Variants in SLC25A25 observed in about 807,000 individuals in gnomAD.
SLC25A25 encodes the protein mitochondrial adenyl nucleotide antiporter SLC25A25.
SLC25A25 carries 32 observed loss-of-function variants against 57.7 expected under a neutral mutation model. The ratio of observed to expected loss-of-function variants is 0.55; its 90% CI spans 0.42 to 0.74. SLC25A25 has a LOEUF of 0.74. Ranked by LOEUF, SLC25A25 falls within the 30% of genes least tolerant of loss-of-function variation. SLC25A25 has a pLI of 0.00. For missense variants in SLC25A25, 556 were observed against 701.3 expected (o/e 0.79, Z 2.34); for synonymous variants, 306 against 291.2 (o/e 1.05, Z -0.52).
intron 1 of SLC25A25, among the ~76,000 whole-genome samples, chr9:128,090,278 T>G (rs1041327911): frequency 2.0e-5 from 3 of 152,074 alleles, no homozygotes; most frequent in Non-Finnish European, 4.4e-5. Context: ...AATGGTGCAA[T>G]CTTGGCTCAC....
At chr9:128,073,776 C>G (rs2130783017) in intron 1 of SLC25A25, among the ~76,000 whole-genome samples, 1 of 152,012 alleles carries the variant, frequency 6.6e-6, no homozygotes. Flanking sequence ...CCTCTGTCAC[C>G]CAGGCTGGAG....
chr9:128,097,515 G>A (rs905120388), intron 1 of SLC25A25, among the ~76,000 whole-genome samples: 2 of 152,164 alleles, frequency 1.3e-5, no homozygotes, highest in African/African-American at 4.8e-5. Context: ...TACAACCTCC[G>A]CCTCCTGGGT....
At chr9:128,083,499 TTTTTTTC>T (rs1311195269) in intron 1 of SLC25A25, among the ~76,000 whole-genome samples, 1 of 94,588 alleles carries the variant, frequency 1.1e-5, no homozygotes. Context: ...ATATTTCTTT[TTTTTTTC>T]TTTTTTCTTT....
At chr9:128,084,333 T>C (rs1564181915) in intron 1 of SLC25A25, among the ~76,000 whole-genome samples, 1 of 151,774 alleles carries the variant, frequency 6.6e-6, no homozygotes, top group Non-Finnish European at 1.5e-5. Flanking sequence ...CGATCTCGGC[T>C]TACTGCAACC....
At chr9:128,105,263 C>T (rs148564597) in intron 6 of SLC25A25, among the ~76,000 whole-genome samples, 1,908 of 149,546 alleles carry the variant, frequency 0.013, 49 homozygotes, top group African/African-American at 0.044. Flanking sequence ...CTCCACCTCC[C>T]GGATTCAAGC....
In SLC25A25 at chr9:128,108,609, A is replaced by G. The variant is rs2130833528; in HGVS notation, c.*1165A>G. On this transcript the variant is annotated 3_prime_UTR_variant, in exon 11 of 11. Transcript: ENST00000373069. ...TCATTTTCAAGTTCATTTTTTATTC[A>G]TATTTATGTTCATGGTTGATTGTAC... The G allele has an allele frequency of 5.6e-6, 1 of 178,250 alleles. No individual in the cohort carries two copies. 11.0% of individuals were successfully genotyped at this position (178,250 alleles called of 1,614,324 possible).
Position 128,103,237 on chromosome 9 carries a change from G to A in SLC25A25, c.625-444G>A, listed in dbSNP as rs1346789483. On this transcript the variant is annotated intron_variant, in intron 5 of 10. Transcript: ENST00000373069. The surrounding 1 kb of genome is among the most constrained non-coding windows in gnomAD (Gnocchi z 6.7). Reference sequence around the variant, plus strand: ...CACCCGGAGAAAGGTTACGCAGGCAGCGAGCCCTCGTGTTTGCTGAGGCGT... The same window carrying A: ...CACCCGGAGAAAGGTTACGCAGGCAACGAGCCCTCGTGTTTGCTGAGGCGT... 6.6e-6 allele frequency among the ~76,000 whole-genome samples: 1 copy of A among 152,220 alleles called. No homozygotes were observed. Among genetic ancestry groups the A allele is most frequent in the Non-Finnish European group, 1.5e-5 (1 of 68,030 alleles).
chr9:128,104,832 ATT>A (rs1292574258), intron 6 of SLC25A25, among the ~76,000 whole-genome samples: 138 of 964 alleles, frequency 0.14, 1 homozygote, highest in Admixed American at 0.25. Flanking sequence ...ATTTTTAAAA[ATT>A]ATTATTATTA....
chr9:128,077,921 G>T (rs1363046302), intron 1 of SLC25A25, among the ~76,000 whole-genome samples: 2 of 151,914 alleles, frequency 1.3e-5, no homozygotes, highest in Admixed American at 1.3e-4. Context: ...AGCTACTCGG[G>T]AGGCTGAGGC....
intron 1 of SLC25A25, among the ~76,000 whole-genome samples, chr9:128,069,564 T>C (rs560108538): frequency 2.1e-4 from 32 of 152,168 alleles, no homozygotes; most frequent in Non-Finnish European, 4.1e-4. Context: ...GAAAAGAATC[T>C]GGTAAACCGC....
At chr9:128,091,961 G>A in intron 1 of SLC25A25, 1 of 1,613,932 alleles carries the variant, frequency 6.2e-7, no homozygotes, top group Non-Finnish European at 8.5e-7. Flanking sequence ...TGAAGTCAGA[G>A]GCACCCCAGC....
intron 1 of SLC25A25, among the ~76,000 whole-genome samples, chr9:128,098,090 A>G (rs1833619462): frequency 6.6e-6 from 1 of 152,004 alleles, no homozygotes; most frequent in Non-Finnish European, 1.5e-5. Flanking sequence ...CTCTCCAACT[A>G]CTGATTTTTT....
At chr9:128,071,567 AT>A (rs369801313) in intron 1 of SLC25A25, among the ~76,000 whole-genome samples, 21 of 137,618 alleles carry the variant, frequency 1.5e-4, no homozygotes, top group East Asian at 1.3e-3. Context: ...CGCCCTGCTA[AT>A]TTTTTTTTTT....
At chr9:128,082,343 T>C (rs1833173430) in intron 1 of SLC25A25, among the ~76,000 whole-genome samples, 1 of 152,224 alleles carries the variant, frequency 6.6e-6, no homozygotes, top group African/African-American at 2.4e-5. Context: ...GAGTTGTGGC[T>C]CCTCTTCATT....
At position 128,101,092 on chromosome 9, in the gene SLC25A25, C is replaced by T. The variant is rs760831427; in HGVS notation, c.262-4C>T. 4 of 1,614,114 alleles carry T rather than the reference C, an allele frequency of 2.5e-6. No individual in the cohort carries two copies. Among genetic ancestry groups the T allele is most frequent in the Middle Eastern group, 1.7e-4 (1 of 6,046 alleles). On this transcript the variant is annotated splice_region_variant and splice_polypyrimidine_tract_variant and intron_variant, in intron 1 of 10. Coordinates refer to ENST00000373069, the MANE Select transcript of SLC25A25 (RefSeq NM_001330988.2). The surrounding 1 kb of genome is among the most constrained non-coding windows in gnomAD (Gnocchi z 4.9). ...AAAGACAAAATGTTACCTTTCTTTTCTAGAAAATTGTACAAGCTGGAGATA... is the reference window on the plus strand; with the variant it reads ...AAAGACAAAATGTTACCTTTCTTTTTTAGAAAATTGTACAAGCTGGAGATA...
chr9:128,092,811 A>G (rs1386406330), intron 1 of SLC25A25, among the ~76,000 whole-genome samples: 1 of 152,160 alleles, frequency 6.6e-6, no homozygotes, highest in African/African-American at 2.4e-5. Flanking sequence ...GGGTTAAACA[A>G]CTAAAGAGAG....
intron 6 of SLC25A25, 113 bp from the exon 7 acceptor site, chr9:128,105,616 G>T: frequency 2.0e-6 from 3 of 1,513,098 alleles, no homozygotes; most frequent in South Asian, 2.3e-5. Context: ...CAAAATGCAC[G>T]GAAGAAAGGG....
chr9:128,098,239 TGGTACCCA>T (rs909084081), intron 1 of SLC25A25: 3 of 227,730 alleles, frequency 1.3e-5, no homozygotes, highest in Admixed American at 5.5e-5. Context: ...GCTCTGTACC[TGGTACCCA>T]GGCAGGCAGA....
chr9:128,094,299 C>T (rs1427641150), intron 1 of SLC25A25: 6 of 152,116 alleles, frequency 3.9e-5, no homozygotes, highest in African/African-American at 1.4e-4. Context: ...CCAGTTTTTC[C>T]CTTTATCTTT....
Sources: allele counts gnomAD v4.1 joint callset (sites outside exome capture counted in the v4.1 genomes callset), GRCh38; gene constraint gnomAD v4.1.1; non-coding constraint Gnocchi (gnomAD v3.1); transcripts MANE v1.5; gene names NCBI Gene and HGNC (gene_info 2026-07-23, HGNC 2026-07-21).